The following CDH12 variants were observed in gnomAD, a reference collection of about 807,000 sequenced individuals.
The protein encoded by CDH12 is cadherin-12.
In CDH12, 41 loss-of-function variants were observed where a neutral mutation model predicts 74.1. The ratio of observed to expected loss-of-function variants is 0.55; its 90% CI spans 0.43 to 0.72. The LOEUF is 0.72. Among genes scored for constraint, CDH12 ranks in the 30% least tolerant of loss-of-function variants. CDH12 has a pLI of 0.00. For synonymous variants in CDH12, 399 were observed against 355.0 expected (o/e 1.12, Z -1.39); for missense variants, 945 against 977.2 (o/e 0.97, Z 0.44).
chr5:22,441,224 A>C (rs957637872), intron 2 of CDH12, among the ~76,000 whole-genome samples: 1 of 152,204 alleles, frequency 6.6e-6, no homozygotes, highest in East Asian at 1.9e-4. Flanking sequence ...GAATACCTAC[A>C]TGTATATTTC....
At chr5:22,507,600 G>A (rs1736440018) in intron 1 of CDH12, among the ~76,000 whole-genome samples, 1 of 151,868 alleles carries the variant, frequency 6.6e-6, no homozygotes, top group Admixed American at 6.6e-5. Context: ...AAATCTTTAG[G>A]TTTAAAAAAC....
chr5:22,645,456 T>G (rs549057390), intron 1 of CDH12, among the ~76,000 whole-genome samples: 157 of 151,960 alleles, frequency 1.0e-3, no homozygotes, highest in African/African-American at 3.6e-3. Context: ...AGATAAAGAG[T>G]TGCTTTTTAT....
chr5:22,069,927 A>C (rs1741828437), intron 5 of CDH12, among the ~76,000 whole-genome samples: 1 of 152,192 alleles, frequency 6.6e-6, no homozygotes, highest in South Asian at 2.1e-4. Flanking sequence ...CCACAAGGTA[A>C]AGAGCCACTA....
intron 2 of CDH12, among the ~76,000 whole-genome samples, chr5:22,444,460 A>C (rs1744742054): frequency 6.6e-6 from 1 of 152,136 alleles, no homozygotes; most frequent in Non-Finnish European, 1.5e-5. Flanking sequence ...AATGATATGA[A>C]AAGGCAACTT....
chr5:21,752,522 G>C lies in CDH12; in HGVS notation c.1886-286C>G, dbSNP rs139511257. On this transcript the variant is annotated intron_variant, in intron 14 of 14. Transcript: ENST00000382254. The stretch of plus-strand genomic sequence containing the variant: ...GTGTGTGTTGCAACAAAAGAAAAAA[G>C]GAAATAGTAGTTCTTCCACTCATAC... Among the ~76,000 whole-genome samples, 474 of 152,164 alleles carry C rather than the reference G, an allele frequency of 3.1e-3. 2 individuals are homozygous for C. Among genetic ancestry groups the C allele is most frequent in the African/African-American group, 0.011 (451 of 41,520 alleles).
chr5:21,795,272 T>C (rs1746718595), intron 10 of CDH12, among the ~76,000 whole-genome samples: 1 of 151,784 alleles, frequency 6.6e-6, no homozygotes, highest in Admixed American at 6.6e-5. Context: ...ATCCAACATT[T>C]TGGAACAAAT....
chr5:21,854,579 T>C, intron 7 of CDH12, 92 bp downstream of exon 7: 1 of 1,001,700 alleles, frequency 1.0e-6, no homozygotes, highest in Non-Finnish European at 1.5e-6. Context: ...TTTATGGCTA[T>C]ATTAGAATAT....
intron 5 of CDH12, among the ~76,000 whole-genome samples, chr5:22,072,563 T>C (rs1742020849): frequency 1.3e-5 from 2 of 149,888 alleles, no homozygotes; most frequent in South Asian, 4.2e-4. Context: ...TGTGTGTGTG[T>C]GTGTTTAGGC....
At chr5:22,115,187 T>A (rs1745017327) in intron 4 of CDH12, among the ~76,000 whole-genome samples, 1 of 152,210 alleles carries the variant, frequency 6.6e-6, no homozygotes, top group South Asian at 2.1e-4. Context: ...CTTTCAGTTA[T>A]CTCCCAGGAC....
chr5:21,894,286 G>C (rs918719665), intron 6 of CDH12, among the ~76,000 whole-genome samples: 2 of 151,406 alleles, frequency 1.3e-5, no homozygotes, highest in Non-Finnish European at 2.9e-5. Flanking sequence ...GGCTGAGACA[G>C]GAGAATTGCT....
intron 1 of CDH12, among the ~76,000 whole-genome samples, chr5:22,733,786 T>C (rs996258926): frequency 1.3e-5 from 2 of 151,886 alleles, no homozygotes; most frequent in African/African-American, 4.8e-5. Flanking sequence ...ACTCGACTAG[T>C]TAGATTGGTA....
chr5:22,248,329 T>C (rs1020966115), intron 3 of CDH12, among the ~76,000 whole-genome samples: 2 of 151,956 alleles, frequency 1.3e-5, no homozygotes, highest in Non-Finnish European at 2.9e-5. Context: ...GTAATAATAA[T>C]AACAAATCAC....
chr5:21,839,736 AG>A (rs1220819635), intron 8 of CDH12, among the ~76,000 whole-genome samples: 2 of 152,292 alleles, frequency 1.3e-5, no homozygotes, highest in African/African-American at 4.8e-5. Context: ...GAGTGGAAAG[AG>A]AAAAAACTGT....
intron 4 of CDH12, among the ~76,000 whole-genome samples, chr5:22,110,522 G>C (rs1031308982): frequency 1.3e-5 from 2 of 151,850 alleles, no homozygotes; most frequent in African/African-American, 4.8e-5. Context: ...TTGGAAGACA[G>C]TGCAATCATA....
In CDH12 at chr5:22,560,723, T is replaced by C. The variant is rs190908893; in HGVS notation, c.-522-55359A>G. Among the ~76,000 whole-genome samples, 314 of 152,266 alleles carry C rather than the reference T, an allele frequency of 2.1e-3. 2 individuals are homozygous for C. The highest frequency in any genetic ancestry group is 7.2e-3 in the African/African-American group (298 of 41,572). Reference sequence around the variant, plus strand: ...ATGTACTGCACAGATCGTCAAGTTTTGGACTAACCACCTTACAAAGGTATT... The same window carrying C: ...ATGTACTGCACAGATCGTCAAGTTTCGGACTAACCACCTTACAAAGGTATT... On this transcript the variant is annotated intron_variant, in intron 1 of 14. Transcript: ENST00000382254.
At chr5:22,182,934 G>T (rs1033156363) in intron 4 of CDH12, among the ~76,000 whole-genome samples, 1 of 152,050 alleles carries the variant, frequency 6.6e-6, no homozygotes, top group Non-Finnish European at 1.5e-5. Context: ...TTTTCCAAAG[G>T]CTGAACTTTA....
At chr5:22,415,708 C>A (rs781096127) in intron 2 of CDH12, among the ~76,000 whole-genome samples, 10 of 152,096 alleles carry the variant, frequency 6.6e-5, no homozygotes, top group Admixed American at 2.0e-4. Flanking sequence ...AAAGTACCAA[C>A]AAAGAATTAA....
At chr5:21,999,535 TC>T (rs1736488798) in intron 5 of CDH12, among the ~76,000 whole-genome samples, 1 of 152,174 alleles carries the variant, frequency 6.6e-6, no homozygotes, top group African/African-American at 2.4e-5. Flanking sequence ...TATTCCCAGA[TC>T]ATGTCTCTCA....
chr5:22,170,598 A>G (rs1034251873), intron 4 of CDH12, among the ~76,000 whole-genome samples: 1 of 151,040 alleles, frequency 6.6e-6, no homozygotes, highest in African/African-American at 2.4e-5. Context: ...TATAAGTTAT[A>G]TATAAGCTTC....
Sources: gnomAD v4.1 joint callset for allele counts (sites outside exome capture counted in the v4.1 genomes callset) on GRCh38, gnomAD v4.1.1 for gene constraint, MANE v1.5 for transcripts, NCBI Gene and HGNC (gene_info 2026-07-23, HGNC 2026-07-21) for gene names.